The following GLI1 variants were observed in gnomAD, a reference collection of about 807,000 sequenced individuals.
GLI1 encodes the protein transcription activator GLI1.
GLI1 carries 51 observed loss-of-function variants against 87.8 expected under a neutral mutation model. The ratio of observed to expected loss-of-function variants is 0.58; its 90% CI spans 0.46 to 0.73. The LOEUF (loss-of-function observed/expected upper bound fraction) is 0.73, where lower values mean the gene tolerates loss of function less well. Among genes scored for constraint, GLI1 ranks in the 30% least tolerant of loss-of-function variants. The pLI is 0.00. For missense variants in GLI1, 1,292 were observed against 1,437.2 expected, an observed-to-expected ratio of 0.90 and a Z score of 1.63; for synonymous variants, 528 against 558.2, an observed-to-expected ratio of 0.95 and a Z score of 0.76.
In GLI1 at chr12:57,459,877, C is replaced by T. The variant is rs1043461766; in HGVS notation, c.-352C>T. Among the ~76,000 whole-genome samples the T allele has an allele frequency of 9.2e-5, 14 of 152,124 alleles. No individual in the cohort carries two copies. Among genetic ancestry groups the T allele is most frequent in the Admixed American group, 2.0e-4 (3 of 15,288 alleles). ...GCACCCCTTCTCTTGCTTCCAGCTACCCCGCCTCATCCTCCAGAACGGCAA... is the reference window on the plus strand; with the variant it reads ...GCACCCCTTCTCTTGCTTCCAGCTATCCCGCCTCATCCTCCAGAACGGCAA... On this transcript the variant is annotated 5_prime_UTR_variant, in exon 1 of 12. Coordinates refer to ENST00000228682, the MANE Select transcript of GLI1 (RefSeq NM_005269.3).
At chr12:57,467,623 C>A in intron 9 of GLI1, 126 bp downstream of exon 9, 1 of 807,164 alleles carries the variant, frequency 1.2e-6, no homozygotes, top group Non-Finnish European at 1.9e-6. Context: ...ACATAATTCG[C>A]CCAGAAAAGG....
Position 57,465,608 on chromosome 12 carries a change from T to C in GLI1, c.536T>C (p.Leu179Pro). The change falls in exon 6 of 12, where the codon CTG (leucine) becomes CCG (proline). Residue 179 changes from leucine to proline, a missense_variant and splice_region_variant. Leu to Pro is a moderately conservative substitution (Grantham distance 98, BLOSUM62 -3). Around this residue, in one of 3 missense-constraint regions of GLI1, gnomAD observed 383 missense variants for 368.4 expected, o/e 1.04. Transcript: ENST00000228682. ...QSRGPFPTCQ[L>P]KSELDMLVGK... Reference sequence around the variant, plus strand: ...CCGTCACCTCTTCCCCTGGGGAAGCTGAAGTCTGAGCTGGACATGCTGGTT... The same window carrying C: ...CCGTCACCTCTTCCCCTGGGGAAGCCGAAGTCTGAGCTGGACATGCTGGTT... 1 of 1,613,418 alleles carries C rather than the reference T, an allele frequency of 6.2e-7. No individual in the cohort carries two copies. The highest frequency in any genetic ancestry group is 1.1e-5 in the South Asian group (1 of 91,054).
chr12:57,471,078 T>C lies in GLI1; in HGVS notation c.2338T>C (p.Trp780Arg). The C allele has an allele frequency of 6.2e-7, 1 of 1,613,092 alleles. No homozygotes were observed. The highest frequency in any genetic ancestry group is 8.5e-7 in the Non-Finnish European group (1 of 1,179,630). The stretch of plus-strand genomic sequence containing the variant: ...ATATCCTGACCCCACCCAAGAAACA[T>C]GGGGTGAGTTCCCTTCCCACTCTGG... ...ASYPDPTQET[W>R]GEFPSHSGLY... The change falls in exon 12 of 12, where the codon TGG (tryptophan) becomes CGG (arginine). Residue 780 changes from tryptophan (W) to arginine (R), a missense_variant. Trp to Arg is a moderately radical substitution (Grantham distance 101). Around this residue, in one of 3 missense-constraint regions of GLI1, gnomAD observed 897 missense variants for 1,040.7 expected, o/e 0.86. Transcript: ENST00000228682. This position sits in a 1 kb window ranked among gnomAD's most constrained non-coding sequence, Gnocchi z 4.9.
chr12:57,470,926 C>A lies in GLI1; in HGVS notation c.2186C>A (p.Thr729Asn), dbSNP rs1434036639. 6.2e-7 allele frequency: 1 copy of A among 1,613,888 alleles called. No individual in the cohort carries two copies. The highest frequency in any genetic ancestry group is 8.5e-7 in the Non-Finnish European group (1 of 1,179,940). The change falls in exon 12 of 12, where the codon ACT (threonine) becomes AAT (asparagine). Residue 729 changes from threonine (T) to asparagine (N), a missense_variant. Physicochemically the swap from Thr to Asn is moderately conservative, Grantham distance 65 (BLOSUM62 0). This residue lies in a region of GLI1 where 897 missense variants were observed against 1,040.7 expected (regional missense o/e 0.86). Transcript: ENST00000228682. ...NPYMDFPPTD[T>N]LGYGGPEGAA... ...TATATGGACTTCCCACCTACTGATA[C>A]TCTGGGATATGGGGGACCTGAAGGG...
At chr12:57,468,892 C>T (rs1306041148) in intron 10 of GLI1, among the ~76,000 whole-genome samples, 1 of 152,128 alleles carries the variant, frequency 6.6e-6, no homozygotes, top group East Asian at 1.9e-4. Context: ...GCTGGGACTA[C>T]AGGCGCCTGC....
At position 57,467,345 on chromosome 12, in the gene GLI1, C is replaced by T. The variant is rs369128119; in HGVS notation, c.925C>T (p.Arg309Trp). 51 of 1,608,362 alleles carry T rather than the reference C, an allele frequency of 3.2e-5. No homozygotes were observed. The highest frequency in any genetic ancestry group is 2.5e-4 in the East Asian group (11 of 44,708). Residue 309 changes from arginine to tryptophan, a missense_variant, in exon 9 of 12, where the codon CGG becomes TGG. Transcript: ENST00000228682. ...GCATGTCCCCCAGTTTGAAGGGTGC[C>T]GGAAGTCATACTCACGCCTCGAAAA... ...KPHKCTFEGC[R>W]KSYSRLENLK... is the part of the protein sequence containing the mutation.
Position 57,464,862 on chromosome 12 carries a change from C to A in GLI1, c.383C>A (p.Thr128Asn). The A allele has an allele frequency of 6.2e-7, 1 of 1,611,432 alleles. No individual in the cohort carries two copies. Among genetic ancestry groups the A allele is most frequent in the Non-Finnish European group, 8.5e-7 (1 of 1,177,588 alleles). ...GGSYGHLSIG[T>N]MSPSLGFPAQ... ...TCCTACGGTCATCTCTCCATTGGCACCATGAGGTGCAGTCAGCCCCGGGCC... is the reference window on the plus strand; with the variant it reads ...TCCTACGGTCATCTCTCCATTGGCAACATGAGGTGCAGTCAGCCCCGGGCC... The change falls in exon 4 of 12, where the codon ACC (threonine) becomes AAC (asparagine). Residue 128 changes from threonine (T) to asparagine (N), a missense_variant. Thr to Asn is a moderately conservative substitution (Grantham distance 65, BLOSUM62 0). Coordinates refer to ENST00000228682, the MANE Select transcript of GLI1 (RefSeq NM_005269.3).
At position 57,472,261 on chromosome 12, in the gene GLI1, A is replaced by T; in HGVS notation, c.*200A>T. On this transcript the variant is annotated 3_prime_UTR_variant, in exon 12 of 12. Coordinates refer to ENST00000228682, the MANE Select transcript of GLI1 (RefSeq NM_005269.3). ...TTCCTGATAATAAAGGAACTGCATC[A>T]GAAAAAATACCATGCCACTTTATGT... 1 of 603,540 alleles carries T rather than the reference A, an allele frequency of 1.7e-6. No homozygotes were observed. Among genetic ancestry groups the T allele is most frequent in the Non-Finnish European group, 2.8e-6 (1 of 355,970 alleles). The allele number at this position is 603,540 out of a possible 1,614,324, so 37.4% of individuals were successfully genotyped here.
At chr12:57,462,901 G>A (rs1478960994) in intron 1 of GLI1, among the ~76,000 whole-genome samples, 3 of 152,184 alleles carry the variant, frequency 2.0e-5, no homozygotes, top group Admixed American at 2.0e-4. Context: ...GAGAAGGAAG[G>A]GGGAACGGGC....
rs1281588122 is a variant in GLI1 at position 57,460,128 on chromosome 12, C to G, written c.-101C>G. On this transcript the variant is annotated 5_prime_UTR_variant, in exon 1 of 12. Transcript: ENST00000228682. ...CGCTGCCGTGGCCCTCTCCGCCCCC[C>G]CTCCCCACCGCACACCCCCCAGCCC... The G allele has an allele frequency of 6.6e-6, 1 of 152,166 alleles. No individual in the cohort carries two copies. The highest frequency in any genetic ancestry group is 2.4e-5 in the African/African-American group (1 of 41,340). The allele number at this position is 152,166 out of a possible 1,614,324, so 9.4% of individuals were successfully genotyped here.
In GLI1 at chr12:57,468,037, CAG is replaced by C. The variant is rs1374040698; in HGVS notation, c.1123_1124del (p.Asp375SerfsTer2). On this transcript the variant is annotated frameshift_variant, in exon 10 of 12. Transcript: ENST00000228682. LOFTEE classifies it high-confidence loss of function. ...CTCCCTGGCTGCACCAAACGCTATACAGATCCTAGCTCGCTGCGAAAACATGT... is the reference window on the plus strand; with the variant it reads ...CTCCCTGGCTGCACCAAACGCTATACATCCTAGCTCGCTGCGAAAACATGT... 1 of 1,614,214 alleles carries C rather than the reference CAG, an allele frequency of 6.2e-7. No individual in the cohort carries two copies. The highest frequency in any genetic ancestry group is 8.5e-7 in the Non-Finnish European group (1 of 1,180,020).
chr12:57,470,480 C>G lies in GLI1; in HGVS notation c.1740C>G (p.Gly580=). 2 of 1,614,118 alleles carry G rather than the reference C, an allele frequency of 1.2e-6. No individual in the cohort carries two copies. Among genetic ancestry groups the G allele is most frequent in the Non-Finnish European group, 1.7e-6 (2 of 1,179,976 alleles). ...AGAATGGAGCATCCTCCCTGCCTGGCCTTATGCCTGCCCAGCACTACCTGC... is the reference window on the plus strand; with the variant it reads ...AGAATGGAGCATCCTCCCTGCCTGGGCTTATGCCTGCCCAGCACTACCTGC... ...PPENGASSLP[G]LMPAQHYLLR... The change falls in exon 12 of 12, where the codon GGC becomes GGG. Residue 580 remains glycine (G), a synonymous_variant. Coordinates refer to ENST00000228682, the MANE Select transcript of GLI1 (RefSeq NM_005269.3).
chr12:57,469,833 C>T (rs1871750015), intron 11 of GLI1, 135 bp downstream of exon 11: 1 of 779,700 alleles, frequency 1.3e-6, no homozygotes. Flanking sequence ...CCTCAAGACA[C>T]TTTCCATTTA....
chr12:57,469,398 G>T (rs1379069455), intron 10 of GLI1, 33 bp from the exon 11 acceptor site: 2 of 1,604,218 alleles, frequency 1.2e-6, no homozygotes, highest in African/African-American at 2.7e-5. Flanking sequence ...CTGTGGGGAA[G>T]GGTGTTGCCC....
chr12:57,466,457 A>T (rs1388406557), intron 8 of GLI1, 68 bp downstream of exon 8: 1 of 1,241,874 alleles, frequency 8.1e-7, no homozygotes, highest in African/African-American at 1.5e-5. Flanking sequence ...GGTAGGGCCC[A>T]AGGCAGACTT....
chr12:57,467,631 AG>A, intron 9 of GLI1, 134 bp downstream of exon 9: 1 of 773,098 alleles, frequency 1.3e-6, no homozygotes, highest in Admixed American at 3.0e-5. Context: ...CGCCCAGAAA[AG>A]GCTTTTCTGA....
intron 1 of GLI1, among the ~76,000 whole-genome samples, chr12:57,462,400 G>A (rs1038957241): frequency 2.6e-5 from 4 of 150,972 alleles, no homozygotes; most frequent in South Asian, 2.1e-4. Flanking sequence ...CCAGCATCCC[G>A]GGATCACCCA....
chr12:57,472,057 C>A lies in GLI1; in HGVS notation c.3317C>A (p.Ala1106Asp), dbSNP rs764926851. The part of the protein sequence containing the change: ...PGETEFLNSS[A>D] Reference sequence around the variant, plus strand: ...GAAACAGAATTCCTCAACTCTAGTGCCTAAAGAGTAGGGAATCTCATCCAT... The same window carrying A: ...GAAACAGAATTCCTCAACTCTAGTGACTAAAGAGTAGGGAATCTCATCCAT... The change falls in exon 12 of 12, where the codon GCC becomes GAC. Residue 1106 changes from alanine to aspartate, a missense_variant. Ala to Asp is a moderately radical substitution (Grantham distance 126, BLOSUM62 -2). Coordinates refer to ENST00000228682, the MANE Select transcript of GLI1 (RefSeq NM_005269.3). The A allele has an allele frequency of 6.7e-7, 1 of 1,483,970 alleles. No homozygotes were observed. The highest frequency in any genetic ancestry group is 9.0e-7 in the Non-Finnish European group (1 of 1,112,128). The allele number at this position is 1,483,970 out of a possible 1,614,324, so 91.9% of individuals were successfully genotyped here. A position where few individuals can be genotyped will look rare whatever the true frequency, so the allele number is the denominator to read the frequency against.
At position 57,463,775 on chromosome 12, in the gene GLI1, C is replaced by T; in HGVS notation, c.84C>T (p.Pro28=). The T allele has an allele frequency of 6.3e-7, 1 of 1,597,168 alleles. No individual in the cohort carries two copies. The highest frequency in any genetic ancestry group is 1.1e-5 in the South Asian group (1 of 90,742). ...GGCCCCTCCCCAGTCAGGGGGCCCC[C>T]AGTGTGGGGACAGAAGGTCAGTGTA... is the stretch of plus-strand genomic sequence containing the variant. ...CLRPLPSQGA[P]SVGTEGLSGP... The change falls in exon 2 of 12, where the codon CCC becomes CCT. Residue 28 remains proline (P), a synonymous_variant. Transcript: ENST00000228682.
Sources: allele counts gnomAD v4.1 joint callset (sites outside exome capture counted in the v4.1 genomes callset), GRCh38; gene constraint gnomAD v4.1.1; regional missense constraint gnomAD v4.1.1; non-coding constraint Gnocchi (gnomAD v3.1); transcripts MANE v1.5; gene names NCBI Gene and HGNC (gene_info 2026-07-23, HGNC 2026-07-21).